Variants in LPIN3 observed in about 807,000 individuals in gnomAD.
LPIN3 encodes lipin 3.
LPIN3 carries 82 observed loss-of-function variants against 94.7 expected under a neutral mutation model. That is an observed-to-expected ratio of 0.87 (90% CI 0.72 to 1.04). The LOEUF (loss-of-function observed/expected upper bound fraction) is 1.04, where lower values mean the gene tolerates loss of function less well. LPIN3 is among the 50% of genes least tolerant of loss of function. The pLI is 0.00. For synonymous variants in LPIN3, 418 were observed against 443.3 expected (o/e 0.94, Z 0.72); for missense variants, 996 against 1,090.5 (o/e 0.91, Z 1.22).
chr20:41,356,899 A>G (rs963596008), intron 14 of LPIN3, 141 bp from the exon 15 acceptor site: 50 of 1,020,554 alleles, frequency 4.9e-5, no homozygotes, highest in Non-Finnish European at 7.0e-5. Flanking sequence ...GCTATCTCTG[A>G]TGAATCCAAG....
In LPIN3 at chr20:41,350,389, G is replaced by T. The variant is rs2045966058; in HGVS notation, c.1094G>T (p.Arg365Met). The change falls in exon 7 of 20, where the codon AGG (arginine) becomes ATG (methionine). Residue 365 changes from arginine to methionine, a missense_variant. By Grantham distance (91) the Arg-to-Met change is moderately conservative. Transcript: ENST00000373257. ...VPTGQPERVS[R>M]GKGSPKRSQH... ...ACCGGGCAGCCAGAGAGGGTCTCCA[G>T]GGGGAAAGGTGAGTGACGCTGGGTC... 2 of 1,564,104 alleles carry T rather than the reference G, an allele frequency of 1.3e-6. No individual in the cohort carries two copies. Among genetic ancestry groups the T allele is most frequent in the Non-Finnish European group, 1.7e-6 (2 of 1,150,258 alleles).
intron 11 of LPIN3, among the ~76,000 whole-genome samples, chr20:41,353,102 G>A (rs1355044929): frequency 1.3e-5 from 2 of 152,228 alleles, no homozygotes; most frequent in Non-Finnish European, 2.9e-5. Context: ...CTTCAGAGGA[G>A]CTCAGGACAA....
chr20:41,357,765 C>A, intron 16 of LPIN3, 117 bp from the exon 17 acceptor site: 1 of 1,380,904 alleles, frequency 7.2e-7, no homozygotes, highest in East Asian at 2.3e-5. Flanking sequence ...AGTCCCCTCC[C>A]TGCAAAGGTT....
At position 41,356,034 on chromosome 20, in the gene LPIN3, C is replaced by G. The variant is rs148198959; in HGVS notation, c.1803C>G (p.Ile601Met). 6.2e-7 allele frequency: 1 copy of G among 1,613,386 alleles called. No homozygotes were observed. The highest frequency in any genetic ancestry group is 1.7e-5 in the Admixed American group (1 of 59,972). Reference protein sequence around the residue: ...KKSLRLSSDQIRRLNLQEGAN... With the variant: ...KKSLRLSSDQMRRLNLQEGAN... ...CCCTCCGCCTCTCCTCCGATCAGAT[C>G]GTAAGTGTGGGTTGTCTGTGTGGAG... is the stretch of plus-strand genomic sequence containing the variant. The change falls in exon 14 of 20, where the codon ATC becomes ATG. Residue 601 changes from isoleucine to methionine, a missense_variant and splice_region_variant. Ile to Met is a conservative substitution (Grantham distance 10). Coordinates refer to ENST00000373257, the MANE Select transcript of LPIN3 (RefSeq NM_022896.3).
In LPIN3 at chr20:41,358,952, C is replaced by T; in HGVS notation, c.*86C>T. 1 of 1,518,596 alleles carries T rather than the reference C, an allele frequency of 6.6e-7. No homozygotes were observed. Among genetic ancestry groups the T allele is most frequent in the Non-Finnish European group, 8.9e-7 (1 of 1,123,266 alleles). 94.1% of individuals were successfully genotyped at this position (1,518,596 alleles called of 1,614,324 possible). A position where few individuals can be genotyped will look rare whatever the true frequency, so the allele number is the denominator to read the frequency against. Reference sequence around the variant, plus strand: ...TATAGGAGGGTGGGAATTGGAGTGTCATGGGGCAAACCCACTGAAGGGGAA... The same window carrying T: ...TATAGGAGGGTGGGAATTGGAGTGTTATGGGGCAAACCCACTGAAGGGGAA... On this transcript the variant is annotated 3_prime_UTR_variant, in exon 20 of 20. Transcript: ENST00000373257.
chr20:41,348,020 CAGCTCCG>C (rs2045849029), intron 3 of LPIN3, among the ~76,000 whole-genome samples: 1 of 152,170 alleles, frequency 6.6e-6, no homozygotes, highest in South Asian at 2.1e-4. Context: ...GGTCTGGTGC[CAGCTCCG>C]TGTGGCTGGA....
chr20:41,343,627 G>A (rs1343332691), intron 1 of LPIN3, among the ~76,000 whole-genome samples: 2 of 152,232 alleles, frequency 1.3e-5, no homozygotes, highest in Non-Finnish European at 2.9e-5. Context: ...GCAGGATGTG[G>A]CATTATCTGA....
chr20:41,358,528 G>A lies in LPIN3; in HGVS notation c.2397G>A (p.Lys799=), dbSNP rs909844447. 5.6e-6 allele frequency: 9 copies of A among 1,614,078 alleles called. No individual in the cohort carries two copies. The highest frequency in any genetic ancestry group is 7.6e-6 in the Non-Finnish European group (9 of 1,180,010). Residue 799 remains lysine, a synonymous_variant, in exon 19 of 20, where the codon AAG becomes AAA. Transcript: ENST00000373257. Reference sequence around the variant, plus strand: ...GAGAGCTCATCCAGGAGCTCATAAAGAACCACAAATCCACGTGAGGCTAAA... The same window carrying A: ...GAGAGCTCATCCAGGAGCTCATAAAAAACCACAAATCCACGTGAGGCTAAA... ...PRGELIQELI[K]NHKSTYERLG...
At chr20:41,348,571 G>T in intron 3 of LPIN3, 48 bp from the exon 4 acceptor site, 1 of 1,559,006 alleles carries the variant, frequency 6.4e-7, no homozygotes. Flanking sequence ...GGTGAGCGCA[G>T]CCCCACTAGG....
Position 41,356,000 on chromosome 20 carries a change from A to C in LPIN3, c.1769A>C (p.Tyr590Ser), listed in dbSNP as rs1569008755. Residue 590 changes from tyrosine (Y) to serine (S), a missense_variant, in exon 14 of 20, where the codon TAC becomes TCC. Tyr to Ser is a moderately radical substitution (Grantham distance 144, BLOSUM62 -2). Coordinates refer to ENST00000373257, the MANE Select transcript of LPIN3 (RefSeq NM_022896.3). ...PPSTPPSTPT[Y>S]KKSLRLSSDQ... ...TCCACTCCACCCTCCACTCCTACCT[A>C]CAAGAAGTCCCTCCGCCTCTCCTCC... 6 of 1,614,054 alleles carry C rather than the reference A, an allele frequency of 3.7e-6. No homozygotes were observed. Among genetic ancestry groups the C allele is most frequent in the Non-Finnish European group, 5.1e-6 (6 of 1,179,974 alleles).
Position 41,352,831 on chromosome 20 carries a change from C to A in LPIN3, c.1491C>A (p.Ile497=), listed in dbSNP as rs2046076287. The change falls in exon 11 of 20, where the codon ATC becomes ATA. Residue 497 remains isoleucine, a synonymous_variant. Coordinates refer to ENST00000373257, the MANE Select transcript of LPIN3 (RefSeq NM_022896.3). ...ACTGGGCTGTGGCTGCCCCCATGAT[C>A]CTCTCCCTGCAAGCCTTCCAGAAAA... ...HYNWAVAAPM[I]LSLQAFQKNL... is the part of the protein sequence containing the mutation. 6.2e-7 allele frequency: 1 copy of A among 1,614,204 alleles called. No individual in the cohort carries two copies. Among genetic ancestry groups the A allele is most frequent in the Non-Finnish European group, 8.5e-7 (1 of 1,180,044 alleles).
chr20:41,353,014 G>A (rs905597490), intron 11 of LPIN3, 147 bp downstream of exon 11: 13 of 855,662 alleles, frequency 1.5e-5, no homozygotes, highest in South Asian at 1.1e-4. Context: ...TGGGAGAGGC[G>A]ACACACGTCC....
chr20:41,355,467 G>A lies in LPIN3; in HGVS notation c.1665-429G>A, dbSNP rs528694839. On this transcript the variant is annotated intron_variant, in intron 13 of 19. Transcript: ENST00000373257. ...GACAAGGGGATCCCTATTAAGGAGG[G>A]GCAGGGCCTCTCGCAGCCCAAATAA... Among the ~76,000 whole-genome samples the A allele has an allele frequency of 2.0e-5, 3 of 152,304 alleles. No homozygotes were observed. In the East Asian group the frequency reaches 5.8e-4, roughly 29 times the overall value.
intron 5 of LPIN3, 109 bp from the exon 6 acceptor site, chr20:41,349,665 A>C: frequency 1.5e-6 from 2 of 1,341,488 alleles, no homozygotes; most frequent in Non-Finnish European, 2.0e-6. Flanking sequence ...TATATTATGG[A>C]TTCAACACAG....
At chr20:41,356,142 C>A in intron 14 of LPIN3, 108 bp downstream of exon 14, 1 of 1,477,478 alleles carries the variant, frequency 6.8e-7, no homozygotes, top group Non-Finnish European at 9.2e-7. Flanking sequence ...ACATGTTCAC[C>A]AAAGGCCAGA....
At position 41,348,792 on chromosome 20, in the gene LPIN3, G is replaced by C. The variant is rs1026506516; in HGVS notation, c.462G>C (p.Glu154Asp). ...RRRRRKPKQK[E>D]DAVATDSSPE... ...GCAGGAGGAAACCCAAGCAGAAAGAGGATGCAGTGGCAACTGATTCTAGTC... is the reference window on the plus strand; with the variant it reads ...GCAGGAGGAAACCCAAGCAGAAAGACGATGCAGTGGCAACTGATTCTAGTC... Residue 154 changes from glutamate to aspartate, a missense_variant, in exon 4 of 20, where the codon GAG becomes GAC. By Grantham distance (45) the Glu-to-Asp change is conservative. Transcript: ENST00000373257. The C allele has an allele frequency of 4.3e-6, 7 of 1,612,462 alleles. No homozygotes were observed. The highest frequency in any genetic ancestry group is 5.9e-6 in the Non-Finnish European group (7 of 1,179,376).
intron 4 of LPIN3, 63 bp downstream of exon 4, chr20:41,348,950 A>G (rs2045895242): frequency 1.3e-6 from 2 of 1,585,130 alleles, no homozygotes; most frequent in Admixed American, 1.7e-5. Flanking sequence ...TCCTCTGCTC[A>G]TGCTGTGTGA....
intron 11 of LPIN3, among the ~76,000 whole-genome samples, chr20:41,353,297 T>C (rs114956911): frequency 1.6e-4 from 25 of 152,348 alleles, no homozygotes; most frequent in African/African-American, 6.0e-4. Context: ...CTTACTTTCT[T>C]TATCTGCACA....
Position 41,357,355 on chromosome 20 carries a change from CTCT to C in LPIN3, c.1953-5_1953-3del. ...CCTTGGAGTAACCCTTCCTCTCTCA[CTCT>C]AGGTCAGATGCTCTGGGCCATATCC... On this transcript the variant is annotated splice_region_variant and splice_polypyrimidine_tract_variant and intron_variant, in intron 15 of 19. Coordinates refer to ENST00000373257, the MANE Select transcript of LPIN3 (RefSeq NM_022896.3). 1.2e-6 allele frequency: 2 copies of C among 1,613,662 alleles called. No homozygotes were observed. Among genetic ancestry groups the C allele is most frequent in the South Asian group, 2.2e-5 (2 of 91,012 alleles).
Sources: allele counts gnomAD v4.1 joint callset (sites outside exome capture counted in the v4.1 genomes callset), GRCh38; gene constraint gnomAD v4.1.1; transcripts MANE v1.5; gene names NCBI Gene and HGNC (gene_info 2026-07-23, HGNC 2026-07-21).